PIGK: variants seen among roughly 807,000 people sequenced by gnomAD.
PIGK encodes phosphatidylinositol glycan anchor biosynthesis class K.
In PIGK, 42 loss-of-function variants were observed where a neutral mutation model predicts 50.6. The observed-to-expected ratio is 0.83, with a 90% confidence interval of 0.65 to 1.07. The LOEUF is 1.07. Among genes scored for constraint, PIGK ranks in the 50% least tolerant of loss-of-function variants. PIGK has a pLI of 0.00. For synonymous variants in PIGK, 151 were observed against 156.0 expected (o/e 0.97, Z 0.24); for missense variants, 448 against 488.7 (o/e 0.92, Z 0.78).
At chr1:77,102,934 G>T (rs1429157790) in intron 10 of PIGK, among the ~76,000 whole-genome samples, 2 of 152,206 alleles carry the variant, frequency 1.3e-5, no homozygotes, top group East Asian at 3.9e-4. Flanking sequence ...TTACTTTGAA[G>T]AAAATAACTC....
At chr1:77,134,421 TG>T (rs1168840583) in intron 9 of PIGK, among the ~76,000 whole-genome samples, 3 of 152,220 alleles carry the variant, frequency 2.0e-5, no homozygotes, top group African/African-American at 7.2e-5. Flanking sequence ...AAAGGAAAAT[TG>T]GTAATATGAT....
intron 4 of PIGK, 117 bp from the exon 5 acceptor site, chr1:77,166,947 C>A (rs948204148): frequency 3.3e-6 from 2 of 600,862 alleles, no homozygotes; most frequent in African/African-American, 1.9e-5. Flanking sequence ...TCAGCACCAA[C>A]TGAAAATAAA....
At position 77,089,112 on chromosome 1, in the gene PIGK, G is replaced by A. The variant is rs771632165; in HGVS notation, c.*3262C>T. 7 of 152,164 alleles carry A rather than the reference G, an allele frequency of 4.6e-5. No homozygotes were observed. The highest frequency in any genetic ancestry group is 1.0e-4 in the Non-Finnish European group (7 of 68,014). The allele number at this position is 152,164 out of a possible 1,614,324, so 9.4% of individuals were successfully genotyped here. A position where few individuals can be genotyped will look rare whatever the true frequency, so the allele number is the denominator to read the frequency against. ...CACAGCACATTTCCAAAACAGTACA[G>A]TTTTTACACTAAGAAAAAAAAATAA... is the stretch of plus-strand genomic sequence containing the variant. On this transcript the variant is annotated 3_prime_UTR_variant, in exon 11 of 11. Coordinates refer to ENST00000370812, the MANE Select transcript of PIGK (RefSeq NM_005482.3).
rs1335564072 is a variant in PIGK at position 77,108,381 on chromosome 1, T to G, written c.1071+13894A>C. On this transcript the variant is annotated intron_variant, in intron 10 of 10. Coordinates refer to ENST00000370812, the MANE Select transcript of PIGK (RefSeq NM_005482.3). ...TTTGGCTGCATATGAAATTCTGGGT[T>G]GAAAATTCTTTTCTTTAAGAATGTT... Among the ~76,000 whole-genome samples the G allele has an allele frequency of 9.9e-5, 15 of 152,194 alleles. 1 individual carries two copies. The highest frequency in any genetic ancestry group is 2.6e-4 in the Admixed American group (4 of 15,284).
intron 3 of PIGK, among the ~76,000 whole-genome samples, chr1:77,200,944 A>C (rs1656150175): frequency 6.6e-6 from 1 of 152,222 alleles, no homozygotes; most frequent in African/African-American, 2.4e-5. Context: ...AATGTGTATT[A>C]CAAGAGAGGG....
chr1:77,178,798 T>C (rs1362008600), intron 3 of PIGK, among the ~76,000 whole-genome samples: 2 of 152,174 alleles, frequency 1.3e-5, no homozygotes, highest in African/African-American at 4.8e-5. Flanking sequence ...ATGGTCTCTC[T>C]TCAACTGGAA....
chr1:77,172,386 T>C (rs1655386573), intron 3 of PIGK, among the ~76,000 whole-genome samples: 1 of 152,184 alleles, frequency 6.6e-6, no homozygotes, highest in Non-Finnish European at 1.5e-5. Context: ...TGTACCTCAC[T>C]TCGCTTTTTT....
chr1:77,102,893 G>A (rs955131943), intron 10 of PIGK, among the ~76,000 whole-genome samples: 2 of 151,968 alleles, frequency 1.3e-5, no homozygotes, highest in African/African-American at 4.8e-5. Context: ...ATAAAATAAG[G>A]GTCAGATGGC....
intron 3 of PIGK, among the ~76,000 whole-genome samples, chr1:77,204,411 CTT>C (rs968319041): frequency 6.6e-6 from 1 of 152,126 alleles, no homozygotes; most frequent in African/African-American, 2.4e-5. Flanking sequence ...GGACATGAAA[CTT>C]CATCAGCAAT....
chr1:77,173,115 T>C (rs1655404924), intron 3 of PIGK, among the ~76,000 whole-genome samples: 1 of 152,148 alleles, frequency 6.6e-6, no homozygotes, highest in Non-Finnish European at 1.5e-5. Flanking sequence ...TTCTGGCTTA[T>C]ACATGCATAA....
chr1:77,152,585 T>C (rs1016398335), intron 9 of PIGK, among the ~76,000 whole-genome samples: 1 of 151,530 alleles, frequency 6.6e-6, no homozygotes, highest in Non-Finnish European at 1.5e-5. Context: ...TGAGAGAAAA[T>C]ATTTGCAATT....
At chr1:77,148,117 G>A (rs1463683876) in intron 9 of PIGK, among the ~76,000 whole-genome samples, 1 of 152,028 alleles carries the variant, frequency 6.6e-6, no homozygotes, top group Non-Finnish European at 1.5e-5. Context: ...TTTTTTAAAT[G>A]CATATATACT....
chr1:77,092,527 G>A, intron 10 of PIGK, 37 bp from the exon 11 acceptor site: 1 of 1,055,702 alleles, frequency 9.5e-7, no homozygotes, highest in Non-Finnish European at 1.4e-6. Context: ...TTTTATAACA[G>A]GTAAATAATT....
chr1:77,131,440 A>T (rs1381380578), intron 9 of PIGK, among the ~76,000 whole-genome samples: 1 of 152,016 alleles, frequency 6.6e-6, no homozygotes, highest in Non-Finnish European at 1.5e-5. Context: ...GCAGTAACAA[A>T]TAGATGGGAT....
intron 9 of PIGK, among the ~76,000 whole-genome samples, chr1:77,122,855 CTTCT>C (rs1202394490): frequency 1.3e-5 from 2 of 152,166 alleles, no homozygotes; most frequent in Non-Finnish European, 2.9e-5. Flanking sequence ...CAACAATTCT[CTTCT>C]TTATTTATTC....
rs780178812 is a variant in PIGK, at chr1:77,122,388, C to G, written c.987-29G>C. 9 of 1,218,982 alleles carry G rather than the reference C, an allele frequency of 7.4e-6. No individual in the cohort carries two copies. In the East Asian group the frequency reaches 1.9e-4, roughly 25 times the overall value. The allele number at this position is 1,218,982 out of a possible 1,614,324, so 75.5% of individuals were successfully genotyped here. A position where few individuals can be genotyped will look rare whatever the true frequency, so the allele number is the denominator to read the frequency against. ...GAAAAGATAATTTAAAAACACAGAG[C>G]TAAGGCAAATACTATTTTGAAATAT... On this transcript the variant is annotated intron_variant, in intron 9 of 10. Coordinates refer to ENST00000370812, the MANE Select transcript of PIGK (RefSeq NM_005482.3).
chr1:77,148,095 T>A (rs914262311), intron 9 of PIGK, among the ~76,000 whole-genome samples: 2 of 152,190 alleles, frequency 1.3e-5, no homozygotes, highest in Non-Finnish European at 2.9e-5. Context: ...TGTTGATAAT[T>A]TAACCTAAGA....
intron 3 of PIGK, among the ~76,000 whole-genome samples, chr1:77,202,534 T>A (rs1044859979): frequency 2.0e-5 from 3 of 152,090 alleles, no homozygotes; most frequent in African/African-American, 7.2e-5. Flanking sequence ...AACTGAAAGA[T>A]CAGAATGTCA....
chr1:77,118,658 T>A (rs1654030619), intron 10 of PIGK, among the ~76,000 whole-genome samples: 1 of 152,248 alleles, frequency 6.6e-6, no homozygotes, highest in African/African-American at 2.4e-5. Context: ...TTTCCATGTA[T>A]TATGATGCAA....
Sources: allele counts gnomAD v4.1 joint callset (sites outside exome capture counted in the v4.1 genomes callset), GRCh38; gene constraint gnomAD v4.1.1; transcripts MANE v1.5; gene names NCBI Gene and HGNC (gene_info 2026-07-23, HGNC 2026-07-21).